Variants in CLIC5 observed in about 807,000 individuals in gnomAD.
CLIC5 encodes CLIC family member 5.
CLIC5 carries 20 observed loss-of-function variants against 24.7 expected under a neutral mutation model. The ratio of observed to expected loss-of-function variants is 0.81; its 90% CI spans 0.57 to 1.18. The LOEUF is 1.18. CLIC5 is among the 50% of genes most tolerant of loss of function. CLIC5 has a pLI of 0.00. For missense variants in CLIC5, 341 were observed against 326.1 expected, an observed-to-expected ratio of 1.05 and a Z score of -0.35; for synonymous variants, 159 against 135.6, an observed-to-expected ratio of 1.17 and a Z score of -1.20.
the CLIC5 span, among the ~76,000 whole-genome samples, chr6:46,100,815 A>G: frequency 6.6e-6 from 1 of 152,104 alleles, no homozygotes; most frequent in Non-Finnish European, 1.5e-5. Flanking sequence ...AAGGCATACA[A>G]ATTTATTCGT....
chr6:46,056,446 C>T (rs1168951628), intron 1 of CLIC5, among the ~76,000 whole-genome samples: 1 of 152,080 alleles, frequency 6.6e-6, no homozygotes, highest in Non-Finnish European at 1.5e-5. Flanking sequence ...ACCACTGCAC[C>T]CCCGACAAAC....
chr6:45,884,969 G>GT (rs370190646), intron 6 of CLIC5, among the ~76,000 whole-genome samples: 1 of 150,438 alleles, frequency 6.6e-6, no homozygotes. Flanking sequence ...CAGGAAATAG[G>GT]TTTTTTAAAA....
intron 1 of CLIC5, among the ~76,000 whole-genome samples, chr6:46,068,250 A>G (rs747234793): frequency 3.9e-5 from 6 of 152,106 alleles, no homozygotes; most frequent in Non-Finnish European, 2.9e-5. Context: ...TGGCCTCAAT[A>G]ACTGTAAGAG....
At chr6:46,025,574 G>A (rs1767306806) in intron 1 of CLIC5, among the ~76,000 whole-genome samples, 1 of 152,150 alleles carries the variant, frequency 6.6e-6, no homozygotes, top group South Asian at 2.1e-4. Context: ...TAAGTGAATA[G>A]TAAACCAAAG....
chr6:45,957,799 C>T (rs550270426), intron 1 of CLIC5, among the ~76,000 whole-genome samples: 54 of 152,218 alleles, frequency 3.5e-4, no homozygotes, highest in African/African-American at 1.3e-3. Flanking sequence ...GCCTTGCGGC[C>T]CTAAGAAATT....
intron 3 of CLIC5, among the ~76,000 whole-genome samples, chr6:45,948,009 T>A (rs1020235432): frequency 6.6e-6 from 1 of 152,206 alleles, no homozygotes; most frequent in Non-Finnish European, 1.5e-5. Context: ...GCAGTTTTAA[T>A]TTTTTAACAG....
chr6:45,955,887 T>TCATTTGTTAC (rs2127387470), intron 1 of CLIC5, among the ~76,000 whole-genome samples: 1 of 152,282 alleles, frequency 6.6e-6, no homozygotes, highest in South Asian at 2.1e-4. Flanking sequence ...AATAATCCAT[T>TCATTTGTTAC]CATTTGTTAC....
intron 4 of CLIC5, among the ~76,000 whole-genome samples, chr6:45,921,170 G>T (rs1032007306): frequency 3.9e-5 from 6 of 152,142 alleles, no homozygotes; most frequent in African/African-American, 1.4e-4. Flanking sequence ...AGGTAAGGGG[G>T]GGCTGATTTT....
At chr6:46,029,071 AC>A (rs1013164675) in intron 1 of CLIC5, among the ~76,000 whole-genome samples, 31 of 152,222 alleles carry the variant, frequency 2.0e-4, no homozygotes, top group African/African-American at 7.0e-4. Flanking sequence ...TACAGAATGA[AC>A]CTTTTTCAGA....
chr6:46,126,284 A>G, the CLIC5 span, among the ~76,000 whole-genome samples: 1 of 152,232 alleles, frequency 6.6e-6, no homozygotes, highest in African/African-American at 2.4e-5. Flanking sequence ...TGTCCTCTCC[A>G]TTCATTTTCT....
At chr6:46,115,179 A>G in the CLIC5 span, among the ~76,000 whole-genome samples, 2 of 152,118 alleles carry the variant, frequency 1.3e-5, no homozygotes, top group African/African-American at 4.8e-5. Context: ...TTGGGCCTAG[A>G]GGTTATTTAT....
At chr6:45,896,139 G>A (rs1400093094), downstream of CLIC5, among the ~76,000 whole-genome samples, 1 of 152,134 alleles carries the variant, frequency 6.6e-6, no homozygotes, top group African/African-American at 2.4e-5. Flanking sequence ...TAGAAGGATA[G>A]GAGACCTATA....
chr6:45,918,831 G>T, intron 4 of CLIC5: 1 of 437,592 alleles, frequency 2.3e-6, no homozygotes, highest in Non-Finnish European at 3.0e-6. Flanking sequence ...CAGTGAGCTA[G>T]GGATGTTTAT....
At chr6:45,968,556 G>GC (rs1765092536) in intron 1 of CLIC5, among the ~76,000 whole-genome samples, 1 of 152,104 alleles carries the variant, frequency 6.6e-6, no homozygotes, top group African/African-American at 2.4e-5. Context: ...CACAATGGAT[G>GC]CCCCAGACCA....
At chr6:46,123,900 G>A in the CLIC5 span, among the ~76,000 whole-genome samples, 13 of 152,208 alleles carry the variant, frequency 8.5e-5, no homozygotes, top group African/African-American at 2.9e-4. Context: ...TCTTCAAGGC[G>A]AGCTACAAAC....
At chr6:45,903,428 TTTTAA>T (rs1762563879) in intron 5 of CLIC5, among the ~76,000 whole-genome samples, 173 bp from the exon 6 acceptor site, 1 of 152,330 alleles carries the variant, frequency 6.6e-6, no homozygotes, top group East Asian at 1.9e-4. Context: ...TTTTGTTTTG[TTTTAA>T]TTTAATTTCT....
chr6:46,119,100 C>T, the CLIC5 span, among the ~76,000 whole-genome samples: 1 of 152,172 alleles, frequency 6.6e-6, no homozygotes, highest in Non-Finnish European at 1.5e-5. Flanking sequence ...TCAAGAAATC[C>T]AGAAGGAATG....
At chr6:45,883,207 A>G (rs1340088057) in intron 6 of CLIC5, among the ~76,000 whole-genome samples, 7 of 152,204 alleles carry the variant, frequency 4.6e-5, no homozygotes, top group Admixed American at 4.6e-4. Flanking sequence ...AGCATTGAGA[A>G]ACATTACCTG....
chr6:46,092,633 T>C, the CLIC5 span, among the ~76,000 whole-genome samples: 1 of 151,168 alleles, frequency 6.6e-6, no homozygotes, highest in East Asian at 1.9e-4. Context: ...TTATTCCCTT[T>C]TGTGTGTGTG....
Sources: gnomAD v4.1 joint callset for allele counts (sites outside exome capture counted in the v4.1 genomes callset) on GRCh38, gnomAD v4.1.1 for gene constraint, MANE v1.5 for transcripts, NCBI Gene and HGNC (gene_info 2026-07-23, HGNC 2026-07-21) for gene names.